Variants in PDE1C observed in about 807,000 individuals in gnomAD.
PDE1C encodes the protein phosphodiesterase 1C.
In PDE1C, 62 loss-of-function variants were observed where a neutral mutation model predicts 93.1. The ratio of observed to expected loss-of-function variants is 0.67; its 90% CI spans 0.54 to 0.82. The LOEUF (loss-of-function observed/expected upper bound fraction) is 0.82. Among genes scored for constraint, PDE1C ranks in the 40% least tolerant of loss-of-function variants. The pLI, the probability that PDE1C is intolerant of heterozygous loss-of-function variation, is 0.00. For missense variants in PDE1C, 742 were observed against 884.6 expected, an observed-to-expected ratio of 0.84 and a Z score of 2.04; for synonymous variants, 325 against 310.1, an observed-to-expected ratio of 1.05 and a Z score of -0.50.
At chr7:31,756,564 T>C (rs1794480372) in intron 17 of PDE1C, among the ~76,000 whole-genome samples, 1 of 151,962 alleles carries the variant, frequency 6.6e-6, no homozygotes, top group Non-Finnish European at 1.5e-5. Context: ...GTAGGGAAAT[T>C]TAAATAAAGT....
the PDE1C span, among the ~76,000 whole-genome samples, chr7:31,648,136 G>A: frequency 2.0e-5 from 3 of 152,130 alleles, no homozygotes; most frequent in Non-Finnish European, 4.4e-5. Context: ...TATTGTTTAT[G>A]ATTTAGTTTT....
chr7:32,029,536 G>C (rs1198057298), intron 2 of PDE1C, among the ~76,000 whole-genome samples: 1 of 152,052 alleles, frequency 6.6e-6, no homozygotes, highest in African/African-American at 2.4e-5. Flanking sequence ...AAGCCATCTA[G>C]GGTCTGCAAC....
At chr7:31,953,548 AT>A (rs1457268811) in intron 2 of PDE1C, among the ~76,000 whole-genome samples, 2 of 152,138 alleles carry the variant, frequency 1.3e-5, no homozygotes, top group Non-Finnish European at 1.5e-5. Context: ...TGCTTGCTGG[AT>A]TTCCTCTATA....
intron 9 of PDE1C, among the ~76,000 whole-genome samples, chr7:31,846,866 A>C (rs558975719): frequency 1.3e-5 from 2 of 152,286 alleles, no homozygotes; most frequent in African/African-American, 4.8e-5. Flanking sequence ...ATTTAAGTCA[A>C]ATATTCCCAT....
At chr7:32,421,734 A>G (rs1269081013) in intron 1 of PDE1C, among the ~76,000 whole-genome samples, 1 of 152,206 alleles carries the variant, frequency 6.6e-6, no homozygotes, top group African/African-American at 2.4e-5. Flanking sequence ...TTCCCTTATT[A>G]AAAGGGAACA....
At chr7:32,008,936 A>AG (rs1290991345) in intron 2 of PDE1C, among the ~76,000 whole-genome samples, 3 of 228 alleles carry the variant, frequency 0.013, no homozygotes, top group African/African-American at 0.071. Flanking sequence ...ATCATAAGAC[A>AG]AAAAAAAGGC....
At chr7:32,035,192 C>T (rs541205183) in intron 2 of PDE1C, among the ~76,000 whole-genome samples, 18 of 151,918 alleles carry the variant, frequency 1.2e-4, no homozygotes, top group South Asian at 6.3e-4. Flanking sequence ...CAACCAGAAG[C>T]ATTCCAACCC....
At chr7:32,136,327 A>T (rs1687502101) in intron 3 of PDE1C, among the ~76,000 whole-genome samples, 1 of 151,756 alleles carries the variant, frequency 6.6e-6, no homozygotes, top group African/African-American at 2.4e-5. Context: ...AAAAAAAATT[A>T]ATGCATTTTT....
intron 1 of PDE1C, among the ~76,000 whole-genome samples, chr7:32,327,777 A>G (rs1783433970): frequency 6.6e-6 from 1 of 151,428 alleles, no homozygotes; most frequent in Admixed American, 6.6e-5. Flanking sequence ...CTCAAAAAAA[A>G]AAAAAAAAAA....
At chr7:32,165,753 T>C (rs1263495544) in intron 3 of PDE1C, among the ~76,000 whole-genome samples, 2 of 152,128 alleles carry the variant, frequency 1.3e-5, no homozygotes, top group African/African-American at 4.8e-5. Flanking sequence ...CCAAACCATA[T>C]CAATAGGTAA....
chr7:32,402,369 C>T (rs1429675488), intron 1 of PDE1C, among the ~76,000 whole-genome samples: 2 of 152,022 alleles, frequency 1.3e-5, no homozygotes, highest in East Asian at 1.9e-4. Context: ...AGCCCAAGCC[C>T]GGAAGCCTAA....
At chr7:32,399,163 G>A (rs549586814) in intron 1 of PDE1C, among the ~76,000 whole-genome samples, 1 of 152,262 alleles carries the variant, frequency 6.6e-6, no homozygotes, top group Admixed American at 6.5e-5. Flanking sequence ...TGCTCAGTTG[G>A]TTCTCATAGT....
intron 2 of PDE1C, among the ~76,000 whole-genome samples, chr7:31,975,244 A>G (rs1447583781): frequency 6.6e-6 from 1 of 152,176 alleles, no homozygotes; most frequent in Non-Finnish European, 1.5e-5. Flanking sequence ...CAACCTGACT[A>G]CTATATTCTA....
intron 1 of PDE1C, among the ~76,000 whole-genome samples, chr7:32,414,289 A>C (rs1262474806): frequency 6.6e-6 from 1 of 151,952 alleles, no homozygotes; most frequent in Admixed American, 6.6e-5. Flanking sequence ...TACACAGAAC[A>C]CTCATTAAAA....
At chr7:31,658,239 G>A in the PDE1C span, 1 of 1,473,082 alleles carries the variant, frequency 6.8e-7, no homozygotes. Context: ...GTTGCATTAG[G>A]TTTTGTTTAT....
At chr7:32,015,614 G>T (rs1302829521) in intron 2 of PDE1C, among the ~76,000 whole-genome samples, 1 of 150,736 alleles carries the variant, frequency 6.6e-6, no homozygotes, top group African/African-American at 2.4e-5. Context: ...ACACAAAGAT[G>T]CCATAAAGAA....
chr7:32,176,995 T>C (rs1302150773), intron 2 of PDE1C, among the ~76,000 whole-genome samples: 1 of 152,214 alleles, frequency 6.6e-6, no homozygotes, highest in Non-Finnish European at 1.5e-5. Context: ...AATGAATTCA[T>C]AAATGATAGA....
chr7:31,674,896 C>T, the PDE1C span, among the ~76,000 whole-genome samples: 1 of 152,162 alleles, frequency 6.6e-6, no homozygotes. Flanking sequence ...TCAAAAATCT[C>T]AAAACTCAAA....
chr7:32,344,293 C>T (rs1783810954), intron 1 of PDE1C, among the ~76,000 whole-genome samples: 1 of 152,144 alleles, frequency 6.6e-6, no homozygotes, highest in African/African-American at 2.4e-5. Flanking sequence ...CCAGGCTGGT[C>T]TCAAACTCAT....
Sources: allele counts gnomAD v4.1 joint callset (sites outside exome capture counted in the v4.1 genomes callset), GRCh38; gene constraint gnomAD v4.1.1; transcripts MANE v1.5; gene names NCBI Gene and HGNC (gene_info 2026-07-23, HGNC 2026-07-21).